MTUS2: variants seen among roughly 807,000 people sequenced by gnomAD.
MTUS2 encodes microtubule associated scaffold protein 2.
MTUS2 carries 40 observed loss-of-function variants against 114.1 expected under a neutral mutation model. The ratio of observed to expected loss-of-function variants is 0.35; its 90% CI spans 0.27 to 0.46. The LOEUF (loss-of-function observed/expected upper bound fraction) is 0.46, where lower values mean the gene tolerates loss of function less well. Ranked by LOEUF, MTUS2 falls within the 20% of genes least tolerant of loss-of-function variation. The pLI, the probability that MTUS2 is intolerant of heterozygous loss-of-function variation, is 1.00. For synonymous variants in MTUS2, 688 were observed against 672.0 expected, an observed-to-expected ratio of 1.02 and a Z score of -0.37; for missense variants, 1,679 against 1,705.4, an observed-to-expected ratio of 0.98 and a Z score of 0.27.
intron 3 of MTUS2, among the ~76,000 whole-genome samples, chr13:29,031,510 C>T (rs1282373327): frequency 1.3e-5 from 2 of 151,668 alleles, no homozygotes; most frequent in Non-Finnish European, 2.9e-5. Flanking sequence ...AGGACAGCAG[C>T]CTGGAGACTT....
At chr13:29,485,815 A>G (rs778728166) in intron 10 of MTUS2, among the ~76,000 whole-genome samples, 4 of 151,558 alleles carry the variant, frequency 2.6e-5, no homozygotes, top group Non-Finnish European at 5.9e-5. Context: ...CTTTTCTGAA[A>G]CCACTCATGA....
At chr13:29,476,106 G>A (rs927157536) in intron 9 of MTUS2, among the ~76,000 whole-genome samples, 1 of 151,674 alleles carries the variant, frequency 6.6e-6, no homozygotes, top group Non-Finnish European at 1.5e-5. Context: ...CAAATACTTA[G>A]CATTGTGTTA....
At position 29,005,013 on chromosome 13, in the gene MTUS2, A is replaced by G. The variant is rs1306971533; in HGVS notation, c.-242-19444A>G. Among the ~76,000 whole-genome samples the G allele has an allele frequency of 3.9e-5, 6 of 152,314 alleles. No individual in the cohort carries two copies. In the East Asian group the frequency reaches 7.7e-4, roughly 20 times the overall value. On this transcript the variant is annotated intron_variant, in intron 2 of 15. Coordinates refer to ENST00000612955, the MANE Select transcript of MTUS2 (RefSeq NM_001033602.4). ...CAGGGCTGCTCTCTAGAGGGACTTC[A>G]CCAACACCTCGTGCCTGCCATGGTG...
intron 5 of MTUS2, among the ~76,000 whole-genome samples, chr13:29,207,093 T>C (rs1566066244): frequency 6.6e-6 from 1 of 152,140 alleles, no homozygotes; most frequent in Non-Finnish European, 1.5e-5. Context: ...TCGGCAGTGT[T>C]TTATAGTTTT....
At position 29,450,513 on chromosome 13, in the gene MTUS2, T is replaced by A. The variant is rs184780133; in HGVS notation, c.3184+10464T>A. The stretch of plus-strand genomic sequence containing the variant: ...CTCTCTCGCCCAGCTTTAAAGAAGC[T>A]GACTCAAAATTAAGAAACCAAGAAA... On this transcript the variant is annotated intron_variant, in intron 9 of 15. Transcript: ENST00000612955. Among the ~76,000 whole-genome samples the A allele has an allele frequency of 5.8e-4, 88 of 152,248 alleles. 1 individual carries two copies. In the Middle Eastern group the frequency reaches 0.027, roughly 47 times the overall value.
rs1425197470 is a variant in MTUS2 at position 29,024,726 on chromosome 13, T to G, written c.28T>G (p.Ser10Ala). MSVPVAPKK[S>A]CYTQLRDNRN... ...GAGCGTCCCAGTGGCTCCTAAGAAA[T>G]CATGTTACACTCAGTTGCGGGACAA... The change falls in exon 3 of 16, where the codon TCA becomes GCA. Residue 10 changes from serine (S) to alanine (A), a missense_variant. Ser to Ala is a moderately conservative substitution (Grantham distance 99, BLOSUM62 1). Coordinates refer to ENST00000612955, the MANE Select transcript of MTUS2 (RefSeq NM_001033602.4). 2 of 1,613,918 alleles carry G rather than the reference T, an allele frequency of 1.2e-6. No individual in the cohort carries two copies. The highest frequency in any genetic ancestry group is 1.7e-5 in the Admixed American group (1 of 60,016).
intron 4 of MTUS2, among the ~76,000 whole-genome samples, chr13:29,084,783 C>CT (rs996105923): frequency 8.5e-6 from 1 of 118,190 alleles, no homozygotes; most frequent in Admixed American, 8.5e-5. Flanking sequence ...GGTGATCCAC[C>CT]CCCCCCCCTC....
Position 29,480,329 on chromosome 13 carries a change from C to T in MTUS2, c.3364C>T (p.Gln1122Ter), listed in dbSNP as rs1180304210. The T allele has an allele frequency of 6.5e-7, 1 of 1,549,764 alleles. No individual in the cohort carries two copies. ...MARLQEEHGD[Q>*]LLSIRCQHQE... The stretch of plus-strand genomic sequence containing the variant: ...GCGCCTGCAGGAGGAGCACGGTGAC[C>T]AGCTGCTGAGCATCCGGTGTCAACA... Residue 1122 changes from glutamine to a stop codon, truncating the protein, a stop_gained, in exon 10 of 16, where the codon CAG becomes TAG. Transcript: ENST00000612955. LOFTEE classifies it high-confidence loss of function. The surrounding 1 kb of genome is among the most constrained non-coding windows in gnomAD (Gnocchi z 4.4).
chr13:29,253,960 C>T (rs1311805523), intron 5 of MTUS2, among the ~76,000 whole-genome samples: 1 of 152,172 alleles, frequency 6.6e-6, no homozygotes, highest in African/African-American at 2.4e-5. Context: ...CCCACTGAGT[C>T]CCTCCCACAA....
At chr13:28,917,922 A>G (rs61950539) in intron 2 of MTUS2, among the ~76,000 whole-genome samples, 11,013 of 151,726 alleles carry the variant, frequency 0.073, 629 homozygotes, top group Admixed American at 0.12. Flanking sequence ...TTGTGTTTCT[A>G]TTACCATTTG....
intron 5 of MTUS2, among the ~76,000 whole-genome samples, chr13:29,134,462 G>C (rs530730322): frequency 1.3e-5 from 2 of 152,068 alleles, no homozygotes; most frequent in African/African-American, 2.4e-5. Context: ...TAAGAATGGG[G>C]TATCAAAGTC....
In MTUS2 at chr13:29,472,995, A is replaced by G. The variant is rs781470930; in HGVS notation, c.3185-7155A>G. ...TATTTTGTCTTTTCAATTACTCCCA[A>G]TCTCTTGAAGAAACAACTTAATCTT... On this transcript the variant is annotated intron_variant, in intron 9 of 15. Coordinates refer to ENST00000612955, the MANE Select transcript of MTUS2 (RefSeq NM_001033602.4). Among the ~76,000 whole-genome samples, 3 of 152,178 alleles carry G rather than the reference A, an allele frequency of 2.0e-5. No individual in the cohort carries two copies. In the East Asian group the frequency reaches 5.8e-4, roughly 29 times the overall value.
At chr13:29,218,630 C>G (rs1895778598) in intron 5 of MTUS2, among the ~76,000 whole-genome samples, 1 of 152,206 alleles carries the variant, frequency 6.6e-6, no homozygotes, top group Non-Finnish European at 1.5e-5. Context: ...TCAGGGGCCA[C>G]AGAATGGATA....
At chr13:29,361,005 C>T (rs1399490642) in intron 8 of MTUS2, among the ~76,000 whole-genome samples, 3 of 152,020 alleles carry the variant, frequency 2.0e-5, no homozygotes, top group African/African-American at 4.8e-5. Flanking sequence ...TAATATGTTC[C>T]GTGTTTTAGA....
At chr13:28,852,834 G>C (rs1876367111) in intron 2 of MTUS2, among the ~76,000 whole-genome samples, 1 of 151,992 alleles carries the variant, frequency 6.6e-6, no homozygotes, top group Non-Finnish European at 1.5e-5. Flanking sequence ...GTGACAGAGC[G>C]AGCCTCTATC....
At chr13:29,370,356 G>A (rs953340756) in intron 8 of MTUS2, among the ~76,000 whole-genome samples, 1 of 152,130 alleles carries the variant, frequency 6.6e-6, no homozygotes, top group Non-Finnish European at 1.5e-5. Context: ...CAGCTACTCA[G>A]GAGGCTGAGG....
At chr13:29,348,095 C>G (rs187042764) in intron 7 of MTUS2, among the ~76,000 whole-genome samples, 4 of 152,232 alleles carry the variant, frequency 2.6e-5, no homozygotes, top group Non-Finnish European at 5.9e-5. Context: ...ATAGACATGA[C>G]TGATTCTTAA....
chr13:29,180,010 C>T (rs1035137103), intron 5 of MTUS2, among the ~76,000 whole-genome samples: 1 of 152,184 alleles, frequency 6.6e-6, no homozygotes, highest in East Asian at 1.9e-4. Context: ...TTAGGTGAAG[C>T]GAAAGCTTTC....
chr13:29,060,175 A>G (rs569120641), intron 4 of MTUS2, among the ~76,000 whole-genome samples: 2 of 152,174 alleles, frequency 1.3e-5, no homozygotes, highest in Non-Finnish European at 2.9e-5. Flanking sequence ...TGTGGCCTCT[A>G]TTGGGGCTAC....
Sources: gnomAD v4.1 joint callset for allele counts (sites outside exome capture counted in the v4.1 genomes callset) on GRCh38, gnomAD v4.1.1 for gene constraint, Gnocchi (gnomAD v3.1) non-coding constraint, MANE v1.5 for transcripts, NCBI Gene and HGNC (gene_info 2026-07-23, HGNC 2026-07-21) for gene names.